The following TNIK variants were observed in gnomAD, a reference collection of about 807,000 sequenced individuals.
TNIK encodes TRAF2 and NCK interacting kinase.
A neutral mutation model predicts 191.3 loss-of-function variants in TNIK; 49 were observed. The ratio of observed to expected loss-of-function variants is 0.26; its 90% CI spans 0.20 to 0.32. The LOEUF is 0.32. Ranked by LOEUF, TNIK falls within the 10% of genes least tolerant of loss-of-function variation. TNIK has a pLI of 1.00. For missense variants in TNIK, 1,155 were observed against 1,702.3 expected (o/e 0.68, Z 5.66); for synonymous variants, 594 against 600.9 (o/e 0.99, Z 0.17).
At chr3:171,123,346 G>A (rs147537334) in intron 18 of TNIK, among the ~76,000 whole-genome samples, 1 of 152,324 alleles carries the variant, frequency 6.6e-6, no homozygotes, top group Non-Finnish European at 1.5e-5. Context: ...GTCCGCTAAG[G>A]TACATCTGAT....
chr3:171,235,998 C>T (rs1744219242), intron 2 of TNIK, among the ~76,000 whole-genome samples: 2 of 152,130 alleles, frequency 1.3e-5, no homozygotes, highest in African/African-American at 4.8e-5. Context: ...CCTCTGGGTG[C>T]CCTAAGTCCC....
chr3:171,381,872 C>T (rs1718071517), intron 1 of TNIK, among the ~76,000 whole-genome samples: 1 of 152,100 alleles, frequency 6.6e-6, no homozygotes. Flanking sequence ...CATTTCTGAT[C>T]CTGAGGTGAA....
chr3:171,460,159 G>A lies in TNIK; in HGVS notation c.-96C>T, dbSNP rs1350051805. On this transcript the variant is annotated 5_prime_UTR_variant, in exon 1 of 33. Transcript: ENST00000436636. This position sits in a 1 kb window ranked among gnomAD's most constrained non-coding sequence, Gnocchi z 6.8. ...CTATTTCACTCGCGTCCTCATGCGG[G>A]TGTCGCGCCAGAGGCCCCGGGCCCA... 2.7e-6 allele frequency: 4 copies of A among 1,490,660 alleles called. No homozygotes were observed. The South Asian group carries it at 4.8e-5, about 18-fold the overall frequency. 92.3% of individuals were successfully genotyped at this position (1,490,660 alleles called of 1,614,324 possible).
At chr3:171,095,399 G>C (rs368966720) in intron 22 of TNIK, among the ~76,000 whole-genome samples, 20 of 152,268 alleles carry the variant, frequency 1.3e-4, no homozygotes, top group African/African-American at 4.8e-4. Context: ...GAAGGATTTT[G>C]GTTGTTAATG....
At chr3:171,314,186 C>T (rs1016062325) in intron 2 of TNIK, among the ~76,000 whole-genome samples, 2 of 152,134 alleles carry the variant, frequency 1.3e-5, no homozygotes, top group Non-Finnish European at 2.9e-5. Flanking sequence ...CCTTTACAAC[C>T]ACATCTCTTA....
chr3:171,197,745 G>GA (rs775142454), intron 4 of TNIK, among the ~76,000 whole-genome samples: 2 of 152,126 alleles, frequency 1.3e-5, no homozygotes, highest in African/African-American at 4.8e-5. Context: ...AATTTAAGAA[G>GA]AAAAAAGGCA....
chr3:171,347,222 A>G (rs892466807), intron 2 of TNIK: 19 of 443,304 alleles, frequency 4.3e-5, no homozygotes, highest in Admixed American at 1.4e-4. Context: ...TCATTTGCTG[A>G]AAAAAAAAAA....
At chr3:171,440,765 A>T (rs1313016282) in intron 1 of TNIK, among the ~76,000 whole-genome samples, 1 of 152,182 alleles carries the variant, frequency 6.6e-6, no homozygotes, top group African/African-American at 2.4e-5. Flanking sequence ...AAATGAACAA[A>T]TGGCACATTA....
chr3:171,108,268 G>A, intron 19 of TNIK, 106 bp from the exon 20 acceptor site: 2 of 824,370 alleles, frequency 2.4e-6, no homozygotes, highest in Non-Finnish European at 3.5e-6. Flanking sequence ...AGATTACTCA[G>A]TGGACACGTC....
chr3:171,111,157 G>C (rs1725793985), intron 18 of TNIK, among the ~76,000 whole-genome samples: 1 of 152,166 alleles, frequency 6.6e-6, no homozygotes. Flanking sequence ...CACAGTGGCT[G>C]TCACCTATAA....
At chr3:171,331,920 A>T (rs1388321632) in intron 2 of TNIK, among the ~76,000 whole-genome samples, 1 of 152,200 alleles carries the variant, frequency 6.6e-6, no homozygotes, top group Non-Finnish European at 1.5e-5. Context: ...AAAGTAACTT[A>T]TTCTAATTTT....
rs564372963 is a variant in TNIK at position 171,063,766 on chromosome 3, C to T, written c.*115G>A. On this transcript the variant is annotated 3_prime_UTR_variant, in exon 33 of 33. Transcript: ENST00000436636. Reference sequence around the variant, plus strand: ...GCGGAGGGAGAGGAAAAAGGGAAAGCGATATGTTCAACCAAGCCTTCTGAT... The same window carrying T: ...GCGGAGGGAGAGGAAAAAGGGAAAGTGATATGTTCAACCAAGCCTTCTGAT... 8.0e-6 allele frequency: 8 copies of T among 994,322 alleles called. No homozygotes were observed. The highest frequency in any genetic ancestry group is 5.0e-5 in the South Asian group (3 of 60,546). The allele number at this position is 994,322 out of a possible 1,614,324, so 61.6% of individuals were successfully genotyped here. A position where few individuals can be genotyped will look rare whatever the true frequency, so the allele number is the denominator to read the frequency against.
chr3:171,232,644 C>T (rs1232916249), intron 2 of TNIK, among the ~76,000 whole-genome samples: 2 of 152,114 alleles, frequency 1.3e-5, no homozygotes, highest in Admixed American at 6.5e-5. Context: ...AAAGCCTATC[C>T]ACCAGAAAGG....
chr3:171,407,183 T>C (rs908541985), intron 1 of TNIK, among the ~76,000 whole-genome samples: 16 of 151,806 alleles, frequency 1.1e-4, no homozygotes, highest in Admixed American at 1.0e-3. Context: ...GCTAAAGAAA[T>C]GGCGGAAGGA....
rs1186343921 is a variant in TNIK, at chr3:171,395,020, T to G, written c.58-25335A>C. Among the ~76,000 whole-genome samples the G allele has an allele frequency of 4.6e-5, 7 of 152,318 alleles. 1 individual carries two copies. Among genetic ancestry groups the G allele is most frequent in the Admixed American group, 2.0e-4 (3 of 15,288 alleles). On this transcript the variant is annotated intron_variant, in intron 1 of 32. Coordinates refer to ENST00000436636, the MANE Select transcript of TNIK (RefSeq NM_015028.4). ...CCTAGAAAACAAATGCTCTCTGCAT[T>G]ATAAACTAAACAATATACGGCTTGA...
chr3:171,154,525 A>G (rs1282930611), intron 12 of TNIK, among the ~76,000 whole-genome samples: 1 of 152,224 alleles, frequency 6.6e-6, no homozygotes, highest in Non-Finnish European at 1.5e-5. Flanking sequence ...TGAAACACAT[A>G]TATAAATCAC....
At chr3:171,287,327 A>G (rs1553879893) in intron 2 of TNIK, among the ~76,000 whole-genome samples, 1 of 152,214 alleles carries the variant, frequency 6.6e-6, no homozygotes, top group Non-Finnish European at 1.5e-5. Context: ...TTCAAATTCA[A>G]TATATCTAAA....
In TNIK at chr3:171,059,467, T is replaced by C. The variant is rs1717637073; in HGVS notation, c.*4414A>G. Among the ~76,000 whole-genome samples the C allele has an allele frequency of 6.6e-6, 1 of 152,140 alleles. No individual in the cohort carries two copies. Among genetic ancestry groups the C allele is most frequent in the African/African-American group, 2.4e-5 (1 of 41,434 alleles). Reference sequence around the variant, plus strand: ...AGCAAACTGTTGAATATTCTAGTTATCAATGGAAGAATTCCCAGAATAATG... The same window carrying C: ...AGCAAACTGTTGAATATTCTAGTTACCAATGGAAGAATTCCCAGAATAATG... On this transcript the variant is annotated 3_prime_UTR_variant, in exon 33 of 33. Coordinates refer to ENST00000436636, the MANE Select transcript of TNIK (RefSeq NM_015028.4).
At chr3:171,377,384 G>A (rs1337477179) in intron 1 of TNIK, among the ~76,000 whole-genome samples, 3 of 152,130 alleles carry the variant, frequency 2.0e-5, no homozygotes, top group South Asian at 2.1e-4. Flanking sequence ...CACCCTCCCC[G>A]CTCAGCTGCT....
Sources: gnomAD v4.1 joint callset for allele counts (sites outside exome capture counted in the v4.1 genomes callset) on GRCh38, gnomAD v4.1.1 for gene constraint, Gnocchi (gnomAD v3.1) non-coding constraint, MANE v1.5 for transcripts, NCBI Gene and HGNC (gene_info 2026-07-23, HGNC 2026-07-21) for gene names.